RIN2: variants seen among roughly 807,000 people sequenced by gnomAD.
The protein encoded by RIN2 is Ras and Rab interactor 2, also known as RAB5 interacting protein 2.
In RIN2, 36 loss-of-function variants were observed where a neutral mutation model predicts 78.0. That is an observed-to-expected ratio of 0.46 (90% confidence interval 0.35 to 0.61). The LOEUF is 0.61. RIN2 is among the 20% of genes least tolerant of loss of function. The pLI is 0.00. For missense variants in RIN2, 1,087 were observed against 1,159.7 expected (o/e 0.94, Z 0.91); for synonymous variants, 466 against 466.8 (o/e 1.00, Z 0.02).
chr20:19,873,916 G>T (rs908181479), intron 2 of RIN2, among the ~76,000 whole-genome samples: 11 of 152,264 alleles, frequency 7.2e-5, no homozygotes, highest in African/African-American at 2.6e-4. Flanking sequence ...GGTCATTCGT[G>T]CACATACACA....
At chr20:19,870,740 T>C (rs7273961) in intron 2 of RIN2, among the ~76,000 whole-genome samples, 1,765 of 152,360 alleles carry the variant, frequency 0.012, 26 homozygotes, top group African/African-American at 0.039. Context: ...AGTTCTATGA[T>C]GGGATGTCCC....
chr20:19,870,811 T>G (rs4813376), intron 2 of RIN2, among the ~76,000 whole-genome samples: 130,298 of 152,106 alleles, frequency 0.86, 55,976 homozygotes, highest in East Asian at 0.94. Context: ...CTCTCTGTTG[T>G]AATATCCTCT....
chr20:19,758,676 C>G (rs1459375225), intron 1 of RIN2, among the ~76,000 whole-genome samples: 1 of 152,054 alleles, frequency 6.6e-6, no homozygotes, highest in East Asian at 1.9e-4. Flanking sequence ...GCTCGAGGTG[C>G]GGAGGTGCGG....
chr20:19,849,967 C>A (rs149623208), intron 2 of RIN2, among the ~76,000 whole-genome samples: 268 of 152,202 alleles, frequency 1.8e-3, no homozygotes, highest in African/African-American at 6.0e-3. Context: ...GTTCCTTTCT[C>A]CTGAACCTCC....
intron 4 of RIN2, among the ~76,000 whole-genome samples, chr20:19,941,237 A>C (rs2146156746): frequency 6.6e-6 from 1 of 152,274 alleles, no homozygotes; most frequent in East Asian, 1.9e-4. Context: ...GACAGCATTG[A>C]CATTATAACC....
At chr20:19,879,862 T>A (rs539982729) in intron 2 of RIN2, among the ~76,000 whole-genome samples, 3 of 152,224 alleles carry the variant, frequency 2.0e-5, no homozygotes, top group African/African-American at 4.8e-5. Context: ...CTTCAGATCA[T>A]AGAACTCTGT....
At chr20:19,886,059 T>G (rs1159271153) in intron 2 of RIN2, among the ~76,000 whole-genome samples, 2 of 152,224 alleles carry the variant, frequency 1.3e-5, no homozygotes, top group Non-Finnish European at 2.9e-5. Context: ...TCCTTAATCC[T>G]TCTCAAGCTC....
intron 9 of RIN2, among the ~76,000 whole-genome samples, chr20:19,982,527 G>A (rs960807591): frequency 2.6e-5 from 4 of 152,182 alleles, no homozygotes; most frequent in African/African-American, 9.7e-5. Context: ...AAAGTCAGGG[G>A]CGAGTGGTGG....
Position 19,830,255 on chromosome 20 carries a change from G to C in RIN2, c.-37+30508G>C, listed in dbSNP as rs1009964737. ...ATGAGACTGCTGGTTTCTCTAACTA[G>C]CTTCACATTTTTTTTTACCAAGTTC... On this transcript the variant is annotated intron_variant, in intron 2 of 12. Coordinates refer to ENST00000255006, the MANE Select transcript of RIN2 (RefSeq NM_018993.4). Among the ~76,000 whole-genome samples, 4 of 147,456 alleles carry C rather than the reference G, an allele frequency of 2.7e-5. No individual in the cohort carries two copies. The East Asian group carries it at 5.9e-4, about 22-fold the overall frequency.
chr20:19,773,230 G>A (rs115656090), intron 1 of RIN2, among the ~76,000 whole-genome samples: 1 of 152,088 alleles, frequency 6.6e-6, no homozygotes, highest in East Asian at 1.9e-4. Context: ...GTTGGATTGG[G>A]GCTCATCTGA....
chr20:19,781,107 A>C (rs1401984356), intron 1 of RIN2, among the ~76,000 whole-genome samples: 4 of 152,282 alleles, frequency 2.6e-5, no homozygotes, highest in Admixed American at 2.6e-4. Flanking sequence ...TATAGTTTAC[A>C]AGGCTATTGC....
chr20:19,934,345 C>T (rs1337441389), intron 3 of RIN2: 2 of 289,762 alleles, frequency 6.9e-6, no homozygotes, highest in Admixed American at 1.3e-4. Flanking sequence ...CTTACAGTGC[C>T]TAGTACGCGC....
At chr20:19,788,441 A>AAAAAAAAACAAAAAAAAAAAC (rs1486992354) in intron 1 of RIN2, among the ~76,000 whole-genome samples, 3 of 148,886 alleles carry the variant, frequency 2.0e-5, no homozygotes, top group South Asian at 2.2e-4. Flanking sequence ...CCAAAAAAAA[A>AAAAAAAAACAAAAAAAAAAAC]AAAAAAAACA....
chr20:19,885,753 A>G (rs571632212), intron 2 of RIN2, among the ~76,000 whole-genome samples: 4 of 152,080 alleles, frequency 2.6e-5, no homozygotes, highest in Non-Finnish European at 5.9e-5. Flanking sequence ...GCACAAGTGC[A>G]CTCAGAACAA....
intron 3 of RIN2, among the ~76,000 whole-genome samples, chr20:19,923,894 T>G (rs781413930): frequency 3.3e-5 from 5 of 151,968 alleles, no homozygotes; most frequent in Non-Finnish European, 5.9e-5. Flanking sequence ...AGGGCTAGGA[T>G]AGACAATTGA....
intron 2 of RIN2, among the ~76,000 whole-genome samples, chr20:19,835,088 A>AGC (rs2036376581): frequency 7.2e-6 from 1 of 139,072 alleles, no homozygotes; most frequent in African/African-American, 2.5e-5. Context: ...AAAGAAAGAG[A>AGC]AAAAGAAAGA....
At chr20:19,828,219 C>T (rs371990934) in intron 2 of RIN2, among the ~76,000 whole-genome samples, 4 of 152,162 alleles carry the variant, frequency 2.6e-5, no homozygotes, top group East Asian at 1.9e-4. Flanking sequence ...AATTTATCAG[C>T]ACAACTGAGT....
chr20:19,892,437 A>C (rs1172144764), intron 3 of RIN2, among the ~76,000 whole-genome samples: 1 of 152,016 alleles, frequency 6.6e-6, no homozygotes, highest in African/African-American at 2.4e-5. Context: ...GCTGGTCTCG[A>C]ACTCCTGACC....
At chr20:19,794,519 G>A (rs182588009) in intron 1 of RIN2, among the ~76,000 whole-genome samples, 51 of 139,776 alleles carry the variant, frequency 3.6e-4, no homozygotes, top group African/African-American at 5.7e-4. Context: ...GCAACAGGGT[G>A]AGACCCTGTA....
Sources: gnomAD v4.1 joint callset for allele counts (sites outside exome capture counted in the v4.1 genomes callset) on GRCh38, gnomAD v4.1.1 for gene constraint, MANE v1.5 for transcripts, NCBI Gene and HGNC (gene_info 2026-07-23, HGNC 2026-07-21) for gene names.